Variants in ZNF680 observed in about 807,000 individuals in gnomAD.
ZNF680 encodes the protein zinc finger protein 680, also known as hypothetical protein FLJ90430.
A neutral mutation model predicts 12.1 loss-of-function variants in ZNF680; 6 were observed. The ratio of observed to expected loss-of-function variants is 0.49; its 90% confidence interval spans 0.27 to 0.98. ZNF680 has a LOEUF of 0.98. Among genes scored for constraint, ZNF680 ranks in the 50% least tolerant of loss-of-function variants. The pLI, the probability that ZNF680 is intolerant of heterozygous loss-of-function variation, is 0.12. For synonymous variants in ZNF680, 170 were observed against 199.3 expected (o/e 0.85, Z 1.24); for missense variants, 561 against 616.3 (o/e 0.91, Z 0.95).
chr7:64,526,445 T>C lies in ZNF680; in HGVS notation c.254-3945A>G, dbSNP rs1230689612. ...TGGATTATTTCTGTAATCCCACATC[T>C]TTAGGGAGGCCAAGGCAGTAAGATA... On this transcript the variant is annotated intron_variant, in intron 3 of 3. Transcript: ENST00000309683. 3.4e-6 allele frequency: 5 copies of C among 1,475,098 alleles called. No homozygotes were observed. In the South Asian group the frequency reaches 5.2e-5, roughly 15 times the overall value. The allele number at this position is 1,475,098 out of a possible 1,614,324, so 91.4% of individuals were successfully genotyped here.
chr7:64,526,257 T>C (rs1791837580), intron 3 of ZNF680: 4 of 1,127,998 alleles, frequency 3.5e-6, no homozygotes, highest in Middle Eastern at 3.5e-4. Context: ...TTCCCAAATT[T>C]TGATGCAGTA....
chr7:64,527,524 C>T (rs1458114570), intron 3 of ZNF680, among the ~76,000 whole-genome samples: 11 of 152,036 alleles, frequency 7.2e-5, no homozygotes, highest in African/African-American at 2.4e-4. Flanking sequence ...GGAGAATCCC[C>T]GTCTCTACTA....
the ZNF680 span, among the ~76,000 whole-genome samples, chr7:64,504,402 T>C: frequency 6.6e-6 from 1 of 152,208 alleles, no homozygotes; most frequent in South Asian, 2.1e-4. Context: ...CCTAAATTTA[T>C]TGATAATATA....
At chr7:64,507,031 A>C in the ZNF680 span, among the ~76,000 whole-genome samples, 1 of 152,222 alleles carries the variant, frequency 6.6e-6, no homozygotes, top group Non-Finnish European at 1.5e-5. Flanking sequence ...CTAAGACATG[A>C]CTTTTTCAAC....
chr7:64,502,699 AAC>A, the ZNF680 span, among the ~76,000 whole-genome samples: 12 of 152,350 alleles, frequency 7.9e-5, no homozygotes, highest in East Asian at 1.2e-3. Flanking sequence ...GGGGGAAAAA[AAC>A]AGTGTCTTCC....
At chr7:64,514,853 G>A in the ZNF680 span, among the ~76,000 whole-genome samples, 1 of 152,186 alleles carries the variant, frequency 6.6e-6, no homozygotes, top group Non-Finnish European at 1.5e-5. Context: ...AGACCATCCT[G>A]ACCAACATGG....
At chr7:64,499,303 A>G in the ZNF680 span, among the ~76,000 whole-genome samples, 1 of 152,224 alleles carries the variant, frequency 6.6e-6, no homozygotes, top group East Asian at 1.9e-4. Context: ...TTTTTTATTA[A>G]TAATGAAGAT....
intron 1 of ZNF680, among the ~76,000 whole-genome samples, chr7:64,553,602 GCCCTCT>G (rs780324848): frequency 7.3e-5 from 11 of 151,716 alleles, no homozygotes; most frequent in Non-Finnish European, 7.4e-5. Context: ...AAAAATCTGT[GCCCTCT>G]CCCTCTCCTG....
chr7:64,561,631 T>C (rs7793298), intron 1 of ZNF680, among the ~76,000 whole-genome samples: 103,176 of 152,050 alleles, frequency 0.68, 35,999 homozygotes, highest in African/African-American at 0.85. Context: ...AATTAAAATA[T>C]AGTATCAAAA....
chr7:64,555,884 C>T (rs1479439906), intron 1 of ZNF680, among the ~76,000 whole-genome samples: 7 of 151,894 alleles, frequency 4.6e-5, no homozygotes, highest in Non-Finnish European at 1.5e-5. Flanking sequence ...CTTCTATGCA[C>T]ATGAACTAGA....
chr7:64,554,430 G>T (rs545415840), intron 1 of ZNF680, among the ~76,000 whole-genome samples: 1 of 151,566 alleles, frequency 6.6e-6, no homozygotes, highest in African/African-American at 2.4e-5. Flanking sequence ...GCCCCCACCC[G>T]GCCGCTGCCC....
chr7:64,560,033 G>GT (rs1787644151), intron 1 of ZNF680, among the ~76,000 whole-genome samples: 1 of 151,506 alleles, frequency 6.6e-6, no homozygotes, highest in African/African-American at 2.4e-5. Context: ...GCAAAAAGAG[G>GT]TACTAATGTT....
the ZNF680 span, among the ~76,000 whole-genome samples, chr7:64,510,633 G>A: frequency 3.4e-4 from 51 of 151,660 alleles, no homozygotes; most frequent in Middle Eastern, 6.9e-3. Flanking sequence ...AATATCGGCC[G>A]GGCGCGGTGG....
intron 1 of ZNF680, among the ~76,000 whole-genome samples, chr7:64,550,814 T>C (rs1166580606): frequency 6.6e-6 from 1 of 152,072 alleles, no homozygotes; most frequent in East Asian, 2.0e-4. Flanking sequence ...GTGAGCTGAC[T>C]GGAAGCCTAA....
At chr7:64,503,266 A>C in the ZNF680 span, among the ~76,000 whole-genome samples, 1 of 88,652 alleles carries the variant, frequency 1.1e-5, no homozygotes, top group Non-Finnish European at 2.2e-5. Flanking sequence ...AAATAAATCC[A>C]TATTTCAGCA....
the ZNF680 span, among the ~76,000 whole-genome samples, chr7:64,511,723 T>C: frequency 1.4e-5 from 2 of 147,146 alleles, no homozygotes; most frequent in African/African-American, 2.6e-5. Context: ...TTACTGTTTA[T>C]ATTCTCTGTG....
At chr7:64,562,187 G>A (rs536107335) in intron 1 of ZNF680, among the ~76,000 whole-genome samples, 1 of 148,378 alleles carries the variant, frequency 6.7e-6, no homozygotes, top group Non-Finnish European at 1.5e-5. Context: ...AGCCGAGATC[G>A]TGCCACTGCA....
chr7:64,522,581 C>A, intron 3 of ZNF680, 81 bp from the exon 4 acceptor site: 1 of 1,041,164 alleles, frequency 9.6e-7, no homozygotes, highest in Non-Finnish European at 1.3e-6. Flanking sequence ...TATAAAATTA[C>A]ACAAACTACA....
At chr7:64,546,319 C>G (rs574609123) in intron 1 of ZNF680, among the ~76,000 whole-genome samples, 6 of 152,110 alleles carry the variant, frequency 3.9e-5, no homozygotes, top group Non-Finnish European at 5.9e-5. Flanking sequence ...GGTGTCAGCA[C>G]CCCCTGTTTA....
Sources: allele counts gnomAD v4.1 joint callset (sites outside exome capture counted in the v4.1 genomes callset), GRCh38; gene constraint gnomAD v4.1.1; transcripts MANE v1.5; gene names NCBI Gene and HGNC (gene_info 2026-07-23, HGNC 2026-07-21).